The following PRKAR1B variants were observed in gnomAD, a reference collection of about 807,000 sequenced individuals.
PRKAR1B encodes cAMP-dependent protein kinase type I-beta regulatory subunit.
A neutral mutation model predicts 46.5 loss-of-function variants in PRKAR1B; 22 were observed. The ratio of observed to expected loss-of-function variants is 0.47; its 90% CI spans 0.34 to 0.68. The LOEUF (loss-of-function observed/expected upper bound fraction) is 0.68, where lower values mean the gene tolerates loss of function less well. Among genes scored for constraint, PRKAR1B ranks in the 30% least tolerant of loss-of-function variants. PRKAR1B has a pLI of 0.01. For synonymous variants in PRKAR1B, 259 were observed against 217.7 expected, an observed-to-expected ratio of 1.19 and a Z score of -1.67; for missense variants, 445 against 535.6, an observed-to-expected ratio of 0.83 and a Z score of 1.67.
At chr7:691,482 C>A in intron 2 of PRKAR1B, 1 of 1,303,846 alleles carries the variant, frequency 7.7e-7, no homozygotes, top group Non-Finnish European at 1.0e-6. Flanking sequence ...CAGGCAGGGC[C>A]CCCCAGCGCA....
Position 657,300 on chromosome 7 carries a change from G to GATGGATGGATGA in PRKAR1B, c.440+19928_440+19929insTCATCCATCCAT, listed in dbSNP as rs1554299028. On this transcript the variant is annotated intron_variant, in intron 4 of 10. Coordinates refer to ENST00000537384, the MANE Select transcript of PRKAR1B (RefSeq NM_001164760.2). ...GGATGGATGGATGGATGGATGGATG[G>GATGGATGGATGA]ATGAATGAATGAGTGAACAAATGAA... is the stretch of plus-strand genomic sequence containing the variant. Among the ~76,000 whole-genome samples, 234 of 130,244 alleles carry GATGGATGGATGA rather than the reference G, an allele frequency of 1.8e-3. 7 individuals carry two copies. The highest frequency in any genetic ancestry group is 1.8e-3 in the Admixed American group (24 of 13,568). The allele number at this position is 130,244 out of a possible 152,430, so 85.4% of individuals were successfully genotyped here. A position where few individuals can be genotyped will look rare whatever the true frequency, so the allele number is the denominator to read the frequency against.
chr7:689,834 C>T (rs1201565958), intron 2 of PRKAR1B, among the ~76,000 whole-genome samples: 1 of 152,022 alleles, frequency 6.6e-6, no homozygotes, highest in Non-Finnish European at 1.5e-5. Context: ...CACCCACCAC[C>T]AAGCCTGGCT....
At chr7:722,634 A>G (rs902624908) in intron 1 of PRKAR1B, among the ~76,000 whole-genome samples, 6 of 152,256 alleles carry the variant, frequency 3.9e-5, no homozygotes, top group Non-Finnish European at 8.8e-5. Flanking sequence ...GGCCTCACAA[A>G]GTGCTGGGAT....
chr7:664,773 G>T (rs1361518794), intron 4 of PRKAR1B, among the ~76,000 whole-genome samples: 1 of 152,082 alleles, frequency 6.6e-6, no homozygotes, highest in Non-Finnish European at 1.5e-5. Context: ...AAATAGCTGG[G>T]TGTGGTGGTG....
At chr7:647,771 C>T (rs1377456522) in intron 4 of PRKAR1B, among the ~76,000 whole-genome samples, 1 of 140,154 alleles carries the variant, frequency 7.1e-6, no homozygotes, top group Non-Finnish European at 1.5e-5. Flanking sequence ...CGCACCACTG[C>T]ACTCCAGCCT....
Position 681,689 on chromosome 7 carries a change from G to A in PRKAR1B, c.178-963C>T, listed in dbSNP as rs140003612. 6.6e-3 allele frequency among the ~76,000 whole-genome samples: 1,001 copies of A among 152,244 alleles called. 11 individuals carry two copies. Among genetic ancestry groups the A allele is most frequent in the African/African-American group, 0.023 (958 of 41,540 alleles). On this transcript the variant is annotated intron_variant, in intron 2 of 10. Transcript: ENST00000537384. Reference sequence around the variant, plus strand: ...GTTGCTCCGAAGCCCACCCTGCCTTGAGCTGTGGATGGCAGGATGCACCAC... The same window carrying A: ...GTTGCTCCGAAGCCCACCCTGCCTTAAGCTGTGGATGGCAGGATGCACCAC...
intron 4 of PRKAR1B, among the ~76,000 whole-genome samples, chr7:612,333 AGTAGATTAATGGATGGATGGATGG>A (rs1782567267): frequency 1.2e-5 from 1 of 80,968 alleles, no homozygotes; most frequent in Admixed American, 1.5e-4. Flanking sequence ...AGTAGATTTG[AGTAGATTAATGGATGGATGGATGG>A]ACAGGTGGGT....
chr7:563,827 G>A (rs149470138), intron 9 of PRKAR1B, among the ~76,000 whole-genome samples: 2,567 of 151,956 alleles, frequency 0.017, 61 homozygotes, highest in African/African-American at 0.048. Flanking sequence ...CTGTGTCCAT[G>A]TGCACACGGA....
chr7:652,977 A>G (rs986596084), intron 4 of PRKAR1B, among the ~76,000 whole-genome samples: 1 of 152,148 alleles, frequency 6.6e-6, no homozygotes, highest in Non-Finnish European at 1.5e-5. Context: ...CCTGGCACTC[A>G]GGGATGCCAC....
Position 593,148 on chromosome 7 carries a change from G to A in PRKAR1B, c.708+2998C>T, listed in dbSNP as rs886119007. Among the ~76,000 whole-genome samples the A allele has an allele frequency of 2.0e-5, 3 of 152,188 alleles. No individual in the cohort carries two copies. Among genetic ancestry groups the A allele is most frequent in the East Asian group, 1.9e-4 (1 of 5,192 alleles). On this transcript the variant is annotated intron_variant, in intron 7 of 10. Transcript: ENST00000537384. This position sits in a 1 kb window ranked among gnomAD's most constrained non-coding sequence, Gnocchi z 6.1. ...AGGTGGGGTCACCCCATCCTTCCTC[G>A]GATAAAACGTGAAGCGGTGGAGGAA...
intron 4 of PRKAR1B, among the ~76,000 whole-genome samples, chr7:615,462 CAGAAAGAAGGAA>C (rs1782750010): frequency 8.3e-6 from 1 of 119,888 alleles, no homozygotes; most frequent in Admixed American, 8.7e-5. Flanking sequence ...ATAAAAAAGA[CAGAAAGAAGGAA>C]AGAAAGAAGA....
At chr7:592,463 C>A (rs139678662) in intron 7 of PRKAR1B, among the ~76,000 whole-genome samples, 1,716 of 148,414 alleles carry the variant, frequency 0.012, 9 homozygotes, top group Non-Finnish European at 0.017. Context: ...GACATCGGTC[C>A]CTTCCCGGCT....
In PRKAR1B at chr7:641,994, C is replaced by A. The variant is rs28789843; in HGVS notation, c.441-34542G>T. 4.1e-3 allele frequency among the ~76,000 whole-genome samples: 625 copies of A among 152,204 alleles called. 1 individual carries two copies. The highest frequency in any genetic ancestry group is 0.02 in the South Asian group (95 of 4,808). ...TCCAGCTCACTGCAGCCTCAACCTC[C>A]CGGGTTCAAGGGATCCGCCCTCCTC... On this transcript the variant is annotated intron_variant, in intron 4 of 10. Coordinates refer to ENST00000537384, the MANE Select transcript of PRKAR1B (RefSeq NM_001164760.2).
chr7:604,597 CCT>C (rs945473024), intron 6 of PRKAR1B, among the ~76,000 whole-genome samples: 7 of 152,220 alleles, frequency 4.6e-5, no homozygotes, highest in South Asian at 2.1e-4. Flanking sequence ...AGGCGGGACC[CCT>C]GAGTCATTTC....
rs1406102876 is a variant in PRKAR1B, at chr7:600,663, C to T, written c.550-4359G>A. On this transcript the variant is annotated intron_variant, in intron 6 of 10. Transcript: ENST00000537384. ...TTCCCCCAGACGTGTTGTGTGAAAC[C>T]GAGGGAAGCCCGGAACGGCCAGCGT... is the stretch of plus-strand genomic sequence containing the variant. 7.9e-5 allele frequency among the ~76,000 whole-genome samples: 12 copies of T among 152,108 alleles called. 1 individual carries two copies.
At chr7:589,551 C>T (rs1430409695) in intron 7 of PRKAR1B, among the ~76,000 whole-genome samples, 2 of 152,150 alleles carry the variant, frequency 1.3e-5, no homozygotes, top group Admixed American at 6.5e-5. Context: ...CTATTATCTC[C>T]ACTCTATGGA....
At chr7:607,564 ATG>A in intron 4 of PRKAR1B, 112 bp from the exon 5 acceptor site, 1 of 952,174 alleles carries the variant, frequency 1.1e-6, no homozygotes. Context: ...ATTGGGGAAA[ATG>A]AGAAAATCCA....
intron 6 of PRKAR1B, among the ~76,000 whole-genome samples, chr7:598,089 C>T (rs988080481): frequency 6.6e-5 from 10 of 152,290 alleles, no homozygotes; most frequent in East Asian, 3.9e-4. Context: ...GTGACATGCA[C>T]GCCTGGGGTG....
At chr7:721,478 G>A (rs1229617248) in intron 1 of PRKAR1B, among the ~76,000 whole-genome samples, 1 of 152,020 alleles carries the variant, frequency 6.6e-6, no homozygotes, top group African/African-American at 2.4e-5. Context: ...GAGAAACTCT[G>A]TCTCTACTAA....
Sources: allele counts gnomAD v4.1 joint callset (sites outside exome capture counted in the v4.1 genomes callset), GRCh38; gene constraint gnomAD v4.1.1; non-coding constraint Gnocchi (gnomAD v3.1); transcripts MANE v1.5; gene names NCBI Gene and HGNC (gene_info 2026-07-23, HGNC 2026-07-21).